Variants in MAST4 observed in about 807,000 individuals in gnomAD.
MAST4 encodes the protein microtubule associated serine/threonine kinase family member 4.
A neutral mutation model predicts 162.7 loss-of-function variants in MAST4; 89 were observed. That is an observed-to-expected ratio of 0.55 (90% CI 0.46 to 0.65). The LOEUF (loss-of-function observed/expected upper bound fraction) is 0.65, where lower values mean the gene tolerates loss of function less well. MAST4 is among the 30% of genes least tolerant of loss of function. The pLI is 0.00. For missense variants in MAST4, 3,153 were observed against 3,374.0 expected (o/e 0.93, Z 1.62); for synonymous variants, 1,479 against 1,361.1 (o/e 1.09, Z -1.91).
At chr5:66,979,250 A>G (rs1330515154) in intron 4 of MAST4, among the ~76,000 whole-genome samples, 1 of 152,152 alleles carries the variant, frequency 6.6e-6, no homozygotes. Context: ...AACTTCATAT[A>G]TAATGTAGAT....
intron 10 of MAST4, among the ~76,000 whole-genome samples, chr5:67,107,355 AT>A (rs557023434): frequency 3.3e-5 from 5 of 152,334 alleles, no homozygotes; most frequent in African/African-American, 1.2e-4. Flanking sequence ...TATTTTTAAA[AT>A]ATTGATTTTT....
At position 66,963,689 on chromosome 5, in the gene MAST4, C is replaced by T. The variant is rs185914870; in HGVS notation, c.674+63707C>T. Reference sequence around the variant, plus strand: ...CAATCAATTCTCCCACTTGGAATGACGTTATTTTAACTTTCAGTCTCACTC... The same window carrying T: ...CAATCAATTCTCCCACTTGGAATGATGTTATTTTAACTTTCAGTCTCACTC... On this transcript the variant is annotated intron_variant, in intron 4 of 28. Transcript: ENST00000403625. 912 of 779,668 alleles carry T rather than the reference C, an allele frequency of 1.2e-3. 10 individuals carry two copies. In the Admixed American group the frequency reaches 0.014, roughly 12 times the overall value. 48.3% of individuals were successfully genotyped at this position (779,668 alleles called of 1,614,324 possible).
intron 4 of MAST4, among the ~76,000 whole-genome samples, chr5:66,964,694 A>T (rs1349354025): frequency 6.6e-6 from 1 of 152,128 alleles, no homozygotes; most frequent in Admixed American, 6.5e-5. Flanking sequence ...CAGCTACCCC[A>T]TGGGAGGCTG....
At chr5:66,617,884 C>A (rs1373020287) in intron 1 of MAST4, among the ~76,000 whole-genome samples, 1 of 152,144 alleles carries the variant, frequency 6.6e-6, no homozygotes, top group Non-Finnish European at 1.5e-5. Context: ...ATGCAATAAG[C>A]AGAATATTTA....
chr5:66,951,598 A>ATGTGTGTGTGTGTGTG (rs59043309), intron 4 of MAST4, among the ~76,000 whole-genome samples: 8 of 122,418 alleles, frequency 6.5e-5, no homozygotes, highest in Non-Finnish European at 1.0e-4. Flanking sequence ...CTCCCATGAT[A>ATGTGTGTGTGTGTGTG]TGTGTGTGTG....
rs1442856915 is a variant in MAST4, at chr5:67,165,557, A to G, written c.6378A>G (p.Leu2126=). The G allele has an allele frequency of 1.2e-6, 2 of 1,613,938 alleles. No individual in the cohort carries two copies. The highest frequency in any genetic ancestry group is 1.3e-5 in the African/African-American group (1 of 74,958). ...AACCTGAAAGGAAGGAGCAGCCTCT[A>G]CAAAGGCATCCCAGCAGCATCCCTC... The part of the protein sequence containing the change: ...AKEPERKEQP[L]QRHPSSIPPP... The change falls in exon 29 of 29, where the codon CTA becomes CTG. Residue 2126 remains leucine (L), a synonymous_variant. Coordinates refer to ENST00000403625, the MANE Select transcript of MAST4 (RefSeq NM_001164664.2).
chr5:66,832,528 A>G (rs1389797077), intron 3 of MAST4, among the ~76,000 whole-genome samples: 1 of 152,172 alleles, frequency 6.6e-6, no homozygotes, highest in Non-Finnish European at 1.5e-5. Flanking sequence ...TTGGTCTAGA[A>G]TTCAATTTTA....
intron 7 of MAST4, among the ~76,000 whole-genome samples, chr5:67,099,201 G>C (rs1208371837): frequency 6.6e-6 from 1 of 151,578 alleles, no homozygotes; most frequent in Non-Finnish European, 1.5e-5. Context: ...TTCTTGACTT[G>C]ATTTAGTTCA....
At chr5:66,616,720 G>C (rs1340112140) in intron 1 of MAST4, among the ~76,000 whole-genome samples, 1 of 152,182 alleles carries the variant, frequency 6.6e-6, no homozygotes. Context: ...CTAAGAGAGT[G>C]CCTGGAACAC....
intron 4 of MAST4, among the ~76,000 whole-genome samples, chr5:66,985,722 G>C (rs1749407278): frequency 6.6e-6 from 1 of 152,092 alleles, no homozygotes; most frequent in Non-Finnish European, 1.5e-5. Context: ...GTATGGGGTG[G>C]GAAAGGGAAT....
intron 4 of MAST4, among the ~76,000 whole-genome samples, chr5:67,002,842 C>T (rs1393187266): frequency 6.6e-6 from 1 of 151,802 alleles, no homozygotes; most frequent in East Asian, 1.9e-4. Flanking sequence ...TCTGTATCAC[C>T]CCTCTCAGAG....
chr5:66,847,820 CAAAAAAAAAAAAAAAAAAAA>C (rs777825639), intron 3 of MAST4, among the ~76,000 whole-genome samples: 1 of 54,146 alleles, frequency 1.8e-5, no homozygotes, highest in African/African-American at 8.7e-5. Flanking sequence ...GACTCCTTCT[CAAAAAAAAAAAAAAAAAAAA>C]AAAGAAAAAC....
rs115080816 is a variant in MAST4, at chr5:66,797,437, C to T, written c.642+8643C>T. ...GTAGTAGTGGTAATTATACTTATTCCGGGTTCATTGGCACCTGAAGCTTCA... is the reference window on the plus strand; with the variant it reads ...GTAGTAGTGGTAATTATACTTATTCTGGGTTCATTGGCACCTGAAGCTTCA... On this transcript the variant is annotated intron_variant, in intron 3 of 28. Transcript: ENST00000403625. Among the ~76,000 whole-genome samples the T allele has an allele frequency of 5.8e-3, 875 of 152,106 alleles. 8 individuals are homozygous for T. The highest frequency in any genetic ancestry group is 0.057 in the South Asian group (274 of 4,814).
chr5:66,990,362 G>A (rs111817268), intron 4 of MAST4, among the ~76,000 whole-genome samples: 3,019 of 152,288 alleles, frequency 0.02, 107 homozygotes, highest in African/African-American at 0.07. Context: ...TAGGTTGGGT[G>A]TGGTGGCTCA....
intron 1 of MAST4, among the ~76,000 whole-genome samples, chr5:66,718,573 G>C (rs1751004397): frequency 6.6e-6 from 1 of 152,174 alleles, no homozygotes; most frequent in Non-Finnish European, 1.5e-5. Flanking sequence ...TGAGGGTTTT[G>C]TGGACAGCCT....
chr5:66,825,171 T>C (rs1178284699), intron 3 of MAST4, among the ~76,000 whole-genome samples: 1 of 152,194 alleles, frequency 6.6e-6, no homozygotes, highest in Non-Finnish European at 1.5e-5. Flanking sequence ...ACATGCATTA[T>C]GTGGCTGTAG....
chr5:66,665,499 C>G (rs916547004), intron 1 of MAST4, among the ~76,000 whole-genome samples: 1 of 152,198 alleles, frequency 6.6e-6, no homozygotes, highest in African/African-American at 2.4e-5. Context: ...ATGATTCTTA[C>G]TATCTTTTAT....
At position 67,136,547 on chromosome 5, in the gene MAST4, C is replaced by G; in HGVS notation, c.2393-16C>G. On this transcript the variant is annotated splice_polypyrimidine_tract_variant and intron_variant, in intron 18 of 28. Transcript: ENST00000403625. ...TTGTGAACAATATGGTTATAAACAACTTTTCTTCCTTCTAGATGAGATCAA... is the reference window on the plus strand; with the variant it reads ...TTGTGAACAATATGGTTATAAACAAGTTTTCTTCCTTCTAGATGAGATCAA... The G allele has an allele frequency of 6.3e-7, 1 of 1,575,352 alleles. No homozygotes were observed. The highest frequency in any genetic ancestry group is 8.6e-7 in the Non-Finnish European group (1 of 1,156,860).
intron 3 of MAST4, among the ~76,000 whole-genome samples, chr5:66,889,041 T>C (rs1229023040): frequency 6.6e-6 from 1 of 152,236 alleles, no homozygotes; most frequent in Admixed American, 6.5e-5. Context: ...ATTAACTAGC[T>C]TTTTAGAAGC....
Sources: allele counts gnomAD v4.1 joint callset (sites outside exome capture counted in the v4.1 genomes callset), GRCh38; gene constraint gnomAD v4.1.1; transcripts MANE v1.5; gene names NCBI Gene and HGNC (gene_info 2026-07-23, HGNC 2026-07-21).